The following SNX29 variants were observed in gnomAD, a reference collection of about 807,000 sequenced individuals.
SNX29 encodes sorting nexin 29.
Under a neutral mutation model 102.1 loss-of-function variants are expected in SNX29, and 78 were observed. The ratio of observed to expected loss-of-function variants is 0.76; its 90% CI spans 0.64 to 0.92. SNX29 has a LOEUF of 0.92. Among genes scored for constraint, SNX29 ranks in the 40% least tolerant of loss-of-function variants. The probability of loss-of-function intolerance (pLI) is 0.00; values close to 1 mark genes in which losing one functional copy is unlikely to be tolerated. For missense variants in SNX29, 1,280 were observed against 1,061.7 expected (o/e 1.21, Z -2.86); for synonymous variants, 580 against 414.5 (o/e 1.40, Z -4.85).
intron 13 of SNX29, among the ~76,000 whole-genome samples, chr16:12,165,675 C>G (rs1201646782): frequency 1.3e-5 from 2 of 152,236 alleles, no homozygotes; most frequent in Admixed American, 1.3e-4. Context: ...GTTCTTCTGC[C>G]TCAGCCTCCC....
intron 18 of SNX29, among the ~76,000 whole-genome samples, chr16:12,406,010 T>A (rs1597262947): frequency 1.3e-5 from 2 of 151,302 alleles, no homozygotes; most frequent in South Asian, 2.1e-4. Context: ...CCAGACTGGG[T>A]GACAAGAATG....
chr16:12,547,622 G>A (rs191441366), intron 20 of SNX29, among the ~76,000 whole-genome samples: 1 of 152,018 alleles, frequency 6.6e-6, no homozygotes, highest in Admixed American at 6.5e-5. Flanking sequence ...GCACCACTAA[G>A]CTGTCCCATG....
chr16:12,332,563 G>T (rs1053558288), intron 15 of SNX29, among the ~76,000 whole-genome samples: 5 of 152,168 alleles, frequency 3.3e-5, no homozygotes, highest in Admixed American at 2.6e-4. Context: ...GCTTGAGGAA[G>T]ACCCAGTGCT....
At chr16:12,105,622 T>C (rs1596900707) in intron 11 of SNX29, among the ~76,000 whole-genome samples, 1 of 152,194 alleles carries the variant, frequency 6.6e-6, no homozygotes, top group East Asian at 1.9e-4. Context: ...TTTTCTTCTT[T>C]TCTAAGTAGC....
At chr16:12,310,585 A>G (rs1375845166) in intron 15 of SNX29, among the ~76,000 whole-genome samples, 2 of 152,128 alleles carry the variant, frequency 1.3e-5, no homozygotes, top group African/African-American at 4.8e-5. Flanking sequence ...TGGAAAATGC[A>G]AACTAATCTA....
intron 13 of SNX29, among the ~76,000 whole-genome samples, chr16:12,131,892 G>T (rs1567235096): frequency 6.6e-6 from 1 of 152,170 alleles, no homozygotes; most frequent in African/African-American, 2.4e-5. Context: ...ATTTTAAAAT[G>T]ATAGCTCAAG....
intron 13 of SNX29, among the ~76,000 whole-genome samples, chr16:12,138,098 C>A (rs988266385): frequency 2.6e-5 from 4 of 152,004 alleles, no homozygotes; most frequent in African/African-American, 7.3e-5. Context: ...CAAGAATTTG[C>A]CATCCATATG....
At chr16:12,198,948 C>T (rs2076846967) in intron 13 of SNX29, among the ~76,000 whole-genome samples, 1 of 152,176 alleles carries the variant, frequency 6.6e-6, no homozygotes, top group Admixed American at 6.5e-5. Context: ...TCTGTTGTCA[C>T]CCAGTGTACC....
At chr16:12,164,081 G>C (rs980134356) in intron 13 of SNX29, among the ~76,000 whole-genome samples, 3 of 152,138 alleles carry the variant, frequency 2.0e-5, no homozygotes, top group African/African-American at 7.2e-5. Flanking sequence ...AAAGCATTTT[G>C]GAGGTGCGGT....
rs890548611 is a variant in SNX29 at position 12,079,394 on chromosome 16, A to G, written c.1402+479A>G. Among the ~76,000 whole-genome samples the G allele has an allele frequency of 3.3e-4, 50 of 152,228 alleles. 1 individual carries two copies. Among genetic ancestry groups the G allele is most frequent in the Non-Finnish European group, 1.6e-4 (11 of 68,042 alleles). ...GACTAGGTTTGAATGGCTTTGTATA[A>G]CAAAGAATAAACCAACTGTTATGTA... is the stretch of plus-strand genomic sequence containing the variant. On this transcript the variant is annotated intron_variant, in intron 11 of 20. Coordinates refer to ENST00000566228, the MANE Select transcript of SNX29 (RefSeq NM_032167.5).
chr16:12,488,441 T>TC (rs35213858), intron 19 of SNX29, among the ~76,000 whole-genome samples: 17,278 of 151,656 alleles, frequency 0.11, 1,040 homozygotes, highest in Admixed American at 0.13. Context: ...CTTCCCGCAG[T>TC]CCCCCCCGTC....
chr16:12,072,179 C>T (rs1163451284), intron 10 of SNX29, among the ~76,000 whole-genome samples: 1 of 151,930 alleles, frequency 6.6e-6, no homozygotes, highest in African/African-American at 2.4e-5. Context: ...TGCCTAATTG[C>T]CCTGGCCAAA....
chr16:12,302,992 C>G (rs1020167762), intron 15 of SNX29, among the ~76,000 whole-genome samples: 1 of 152,124 alleles, frequency 6.6e-6, no homozygotes, highest in African/African-American at 2.4e-5. Context: ...AAACACCTGC[C>G]CAAAGGTCAT....
intron 11 of SNX29, among the ~76,000 whole-genome samples, chr16:12,112,142 C>T (rs2053525704): frequency 6.6e-6 from 1 of 152,244 alleles, no homozygotes; most frequent in South Asian, 2.1e-4. Context: ...GTCAACTGCC[C>T]AACTGTACCT....
intron 20 of SNX29, among the ~76,000 whole-genome samples, chr16:12,550,503 C>A (rs762002261): frequency 6.7e-6 from 1 of 149,104 alleles, no homozygotes; most frequent in African/African-American, 2.5e-5. Flanking sequence ...TCATTACATT[C>A]CAGTCTGGGA....
chr16:12,047,184 G>T (rs1280307781), intron 6 of SNX29, among the ~76,000 whole-genome samples: 1 of 152,184 alleles, frequency 6.6e-6, no homozygotes, highest in African/African-American at 2.4e-5. Flanking sequence ...AATCATGTGA[G>T]ATCAGGAGTC....
chr16:12,297,028 C>T (rs1275641265), intron 15 of SNX29, among the ~76,000 whole-genome samples: 2 of 152,224 alleles, frequency 1.3e-5, no homozygotes, highest in Non-Finnish European at 2.9e-5. Flanking sequence ...CAAATGTCTC[C>T]AGACATGGCC....
At chr16:12,034,505 G>A (rs2057421693) in intron 4 of SNX29, among the ~76,000 whole-genome samples, 1 of 152,232 alleles carries the variant, frequency 6.6e-6, no homozygotes, top group South Asian at 2.1e-4. Context: ...CCAGGGTGCT[G>A]TACCCGTTGG....
chr16:12,564,577 G>A (rs1002430831), intron 20 of SNX29, among the ~76,000 whole-genome samples: 4 of 152,150 alleles, frequency 2.6e-5, no homozygotes, highest in African/African-American at 9.7e-5. Flanking sequence ...TTGCCATCCA[G>A]ACGCCCCTTT....
Sources: allele counts gnomAD v4.1 joint callset (sites outside exome capture counted in the v4.1 genomes callset), GRCh38; gene constraint gnomAD v4.1.1; transcripts MANE v1.5; gene names NCBI Gene and HGNC (gene_info 2026-07-23, HGNC 2026-07-21).